CFAP77: variants seen among roughly 807,000 people sequenced by gnomAD.
CFAP77 encodes the protein cilia- and flagella-associated protein 77.
In CFAP77, 25 loss-of-function variants were observed where a neutral mutation model predicts 31.1. That is an observed-to-expected ratio of 0.80 (90% CI 0.59 to 1.12). CFAP77 has a LOEUF of 1.12. Among genes scored for constraint, CFAP77 ranks in the 50% most tolerant of loss-of-function variants. The pLI is 0.00. For synonymous variants in CFAP77, 151 were observed against 159.9 expected, an observed-to-expected ratio of 0.94 and a Z score of 0.42; for missense variants, 377 against 397.3, an observed-to-expected ratio of 0.95 and a Z score of 0.44.
intron 5 of CFAP77, among the ~76,000 whole-genome samples, chr9:132,544,325 G>A (rs752811471): frequency 2.6e-5 from 4 of 152,118 alleles, no homozygotes; most frequent in Non-Finnish European, 5.9e-5. Context: ...CTGCAGCTCC[G>A]CAGCTCCTCT....
At chr9:132,500,636 T>C (rs1851825767) in intron 3 of CFAP77, among the ~76,000 whole-genome samples, 1 of 152,144 alleles carries the variant, frequency 6.6e-6, no homozygotes, top group Non-Finnish European at 1.5e-5. Flanking sequence ...ATAGAATAAA[T>C]CTGGCACCCC....
At chr9:132,551,573 G>A (rs1194157988) in intron 5 of CFAP77, among the ~76,000 whole-genome samples, 6 of 152,216 alleles carry the variant, frequency 3.9e-5, no homozygotes, top group Non-Finnish European at 7.3e-5. Context: ...CGGGATTACA[G>A]GCATGAGCCA....
At position 132,511,781 on chromosome 9, in the gene CFAP77, C is replaced by T. The variant is rs1285926401; in HGVS notation, c.524+12181C>T. ...TAAAATAACAAAAATGAAGCGGCCG[C>T]GCGGCGGCTCACGCCTGTCATCCCA... On this transcript the variant is annotated intron_variant, in intron 3 of 5. Transcript: ENST00000393216. The surrounding 1 kb of genome is among the most constrained non-coding windows in gnomAD (Gnocchi z 5.8). Among the ~76,000 whole-genome samples the T allele has an allele frequency of 5.3e-5, 8 of 152,310 alleles. 1 individual carries two copies. The highest frequency in any genetic ancestry group is 3.9e-4 in the East Asian group (2 of 5,172).
chr9:132,560,883 T>C (rs933429165), intron 5 of CFAP77, among the ~76,000 whole-genome samples: 7 of 152,188 alleles, frequency 4.6e-5, no homozygotes. Context: ...AAGTTTGTTT[T>C]CCAAGCAGAG....
intron 1 of CFAP77, among the ~76,000 whole-genome samples, chr9:132,415,011 A>G (rs1364429898): frequency 6.6e-6 from 1 of 152,236 alleles, no homozygotes; most frequent in East Asian, 1.9e-4. Flanking sequence ...ATATCCCAGC[A>G]TGGGTCAGTA....
intron 1 of CFAP77, among the ~76,000 whole-genome samples, chr9:132,441,504 G>A (rs747837101): frequency 1.3e-5 from 2 of 152,060 alleles, no homozygotes; most frequent in African/African-American, 2.4e-5. Context: ...TTCTTTTGAG[G>A]GCCACAGACA....
intron 3 of CFAP77, among the ~76,000 whole-genome samples, chr9:132,525,933 T>C (rs754621958): frequency 6.6e-6 from 1 of 152,248 alleles, no homozygotes; most frequent in Non-Finnish European, 1.5e-5. Context: ...TTCCATGGTA[T>C]GGATGGAATT....
chr9:132,520,569 T>C (rs1228526593), intron 3 of CFAP77, among the ~76,000 whole-genome samples: 1 of 152,166 alleles, frequency 6.6e-6, no homozygotes, highest in Non-Finnish European at 1.5e-5. Flanking sequence ...TGCTTGAGTC[T>C]GGGAGATTAA....
chr9:132,468,125 T>C (rs1287123421), intron 1 of CFAP77, among the ~76,000 whole-genome samples: 1 of 152,010 alleles, frequency 6.6e-6, no homozygotes, highest in East Asian at 1.9e-4. Context: ...GGTGGGTCAC[T>C]TGAGGTCAGG....
intron 1 of CFAP77, among the ~76,000 whole-genome samples, chr9:132,485,985 C>CATATATATATATAT (rs61265124): frequency 9.3e-5 from 5 of 53,574 alleles, no homozygotes; most frequent in Non-Finnish European, 3.4e-5. Flanking sequence ...ACACACACCT[C>CATATATATATATAT]ATATATATAT....
At chr9:132,435,092 G>A (rs543432598) in intron 1 of CFAP77, among the ~76,000 whole-genome samples, 15 of 152,300 alleles carry the variant, frequency 9.8e-5, no homozygotes, top group Admixed American at 1.3e-4. Flanking sequence ...CTTGGAGGTG[G>A]TGTTGTGGGC....
chr9:132,459,661 CAT>C (rs546948044), intron 1 of CFAP77, among the ~76,000 whole-genome samples: 45 of 150,652 alleles, frequency 3.0e-4, no homozygotes, highest in Middle Eastern at 7.0e-3. Context: ...GTATATGTCT[CAT>C]GTGTGCATAT....
Position 132,497,300 on chromosome 9 carries a change from G to A in CFAP77, c.196-1395G>A, listed in dbSNP as rs1015520539. Among the ~76,000 whole-genome samples, 7 of 152,190 alleles carry A rather than the reference G, an allele frequency of 4.6e-5. No individual in the cohort carries two copies. Among genetic ancestry groups the A allele is most frequent in the African/African-American group, 1.7e-4 (7 of 41,446 alleles). On this transcript the variant is annotated intron_variant, in intron 1 of 5. Coordinates refer to ENST00000393216, the MANE Select transcript of CFAP77 (RefSeq NM_001282957.2). This position sits in a 1 kb window ranked among gnomAD's most constrained non-coding sequence, Gnocchi z 4.9. Reference sequence around the variant, plus strand: ...CCATCTGTCTACCTCTCAGCACCCAGCCTGTGGGAGCTGGAGAGAGGGGGA... The same window carrying A: ...CCATCTGTCTACCTCTCAGCACCCAACCTGTGGGAGCTGGAGAGAGGGGGA...
chr9:132,568,796 CTCAA>C (rs995790965), intron 5 of CFAP77, among the ~76,000 whole-genome samples: 7 of 152,050 alleles, frequency 4.6e-5, no homozygotes, highest in African/African-American at 1.5e-4. Context: ...ACCTCCCAGG[CTCAA>C]TCAATCCTCC....
intron 3 of CFAP77, among the ~76,000 whole-genome samples, chr9:132,529,424 G>A (rs1383530902): frequency 1.5e-5 from 2 of 133,380 alleles, no homozygotes; most frequent in Non-Finnish European, 1.7e-5. Context: ...ACGTTAGTGG[G>A]TGCAGCGCAC....
rs1477023640 is a variant in CFAP77, at chr9:132,499,527, G to A, written c.451G>A (p.Asp151Asn). 1.9e-6 allele frequency: 3 copies of A among 1,614,180 alleles called. No homozygotes were observed. Among genetic ancestry groups the A allele is most frequent in the Non-Finnish European group, 2.5e-6 (3 of 1,180,038 alleles). Residue 151 changes from aspartate (D) to asparagine (N), a missense_variant, in exon 3 of 6, where the codon GAC (aspartate) becomes AAC (asparagine). By Grantham distance (23) the Asp-to-Asn change is conservative. Coordinates refer to ENST00000393216, the MANE Select transcript of CFAP77 (RefSeq NM_001282957.2). This position sits in a 1 kb window ranked among gnomAD's most constrained non-coding sequence, Gnocchi z 5.4. ...TCAGCTCAATGACATCCGCATCAGT[G>A]ACCAGGATGACCGGCGCATGAAGAA... ...YRQLNDIRIS[D>N]QDDRRMKKEP...
chr9:132,425,426 C>T (rs1850296966), intron 1 of CFAP77, among the ~76,000 whole-genome samples: 1 of 152,072 alleles, frequency 6.6e-6, no homozygotes, highest in Admixed American at 6.6e-5. Context: ...CCCTCCTTAT[C>T]CCCATGCTGA....
At chr9:132,417,179 A>G (rs1002779838) in intron 1 of CFAP77, among the ~76,000 whole-genome samples, 1 of 151,546 alleles carries the variant, frequency 6.6e-6, no homozygotes, top group African/African-American at 2.4e-5. Flanking sequence ...CAGTGGCACA[A>G]TCTTGGCTCA....
rs558326466 is a variant in CFAP77, at chr9:132,526,521, A to C, written c.525-11080A>C. 6.0e-5 allele frequency among the ~76,000 whole-genome samples: 9 copies of C among 149,464 alleles called. No individual in the cohort carries two copies. In the South Asian group the frequency reaches 1.7e-3, roughly 29 times the overall value. ...TGCTGGGATTACAGGCATGAGCCAC[A>C]GCGCCCGACCGGCAGTTTCTTAAAA... On this transcript the variant is annotated intron_variant, in intron 3 of 5. Transcript: ENST00000393216.
Sources: allele counts gnomAD v4.1 joint callset (sites outside exome capture counted in the v4.1 genomes callset), GRCh38; gene constraint gnomAD v4.1.1; non-coding constraint Gnocchi (gnomAD v3.1); transcripts MANE v1.5; gene names NCBI Gene and HGNC (gene_info 2026-07-23, HGNC 2026-07-21).